The following ZFAND6 variants were observed in gnomAD, a reference collection of about 807,000 sequenced individuals.
The protein encoded by ZFAND6 is zinc finger AN1-type containing 6.
ZFAND6 carries 12 observed loss-of-function variants against 24.5 expected under a neutral mutation model. That is an observed-to-expected ratio of 0.49 (90% CI 0.31 to 0.79). The LOEUF is 0.79. Ranked by LOEUF, ZFAND6 falls within the 30% of genes least tolerant of loss-of-function variation. ZFAND6 has a pLI of 0.04. For synonymous variants in ZFAND6, 92 were observed against 81.5 expected (o/e 1.13, Z -0.69); for missense variants, 207 against 245.9 (o/e 0.84, Z 1.06).
At chr15:80,076,191 A>G (rs545193102) in intron 1 of ZFAND6, among the ~76,000 whole-genome samples, 1 of 152,244 alleles carries the variant, frequency 6.6e-6, no homozygotes, top group South Asian at 2.1e-4. Context: ...TAATGGTTCC[A>G]ACGTCTGAAT....
chr15:80,126,115 T>C (rs2040360147), intron 5 of ZFAND6, among the ~76,000 whole-genome samples: 1 of 152,160 alleles, frequency 6.6e-6, no homozygotes, highest in South Asian at 2.1e-4. Flanking sequence ...AGAGACCATA[T>C]AGAGAGAGGA....
intron 1 of ZFAND6, among the ~76,000 whole-genome samples, chr15:80,093,127 G>A (rs1461305754): frequency 2.0e-5 from 3 of 150,762 alleles, no homozygotes; most frequent in Non-Finnish European, 4.4e-5. Context: ...GCTAATTTTT[G>A]TGTGTGTGTG....
chr15:80,114,283 G>A (rs2039757743), intron 2 of ZFAND6, among the ~76,000 whole-genome samples: 1 of 152,126 alleles, frequency 6.6e-6, no homozygotes, highest in Non-Finnish European at 1.5e-5. Flanking sequence ...TAATAAAATG[G>A]CAAAGCTGGG....
intron 5 of ZFAND6, 37 bp downstream of exon 5, chr15:80,122,837 G>C: frequency 6.5e-7 from 1 of 1,540,802 alleles, no homozygotes; most frequent in Non-Finnish European, 9.0e-7. Context: ...TGTTATTTGA[G>C]TATTATAGGC....
At chr15:80,126,263 T>G (rs1398225567) in intron 5 of ZFAND6, among the ~76,000 whole-genome samples, 1 of 152,190 alleles carries the variant, frequency 6.6e-6, no homozygotes, top group African/African-American at 2.4e-5. Flanking sequence ...TGGACTGATT[T>G]AGGAAAGCTG....
intron 1 of ZFAND6, among the ~76,000 whole-genome samples, chr15:80,078,131 G>A (rs928338132): frequency 6.6e-6 from 1 of 152,130 alleles, no homozygotes; most frequent in Admixed American, 6.5e-5. Context: ...TGTCACTGTG[G>A]TTTGATGTAC....
rs2036990114 is a variant in ZFAND6, at chr15:80,071,743, A to G, written c.-181+11934A>G. On this transcript the variant is annotated intron_variant, in intron 1 of 6. Transcript: ENST00000261749. ...ATGGAGTGCAAAGTAGTTTCCACAC[A>G]TTAAAAAAAAAAAAAAGATGAAAAA... Among the ~76,000 whole-genome samples, 3 of 151,190 alleles carry G rather than the reference A, an allele frequency of 2.0e-5. No homozygotes were observed. The South Asian group carries it at 6.3e-4, about 32-fold the overall frequency.
chr15:80,080,657 G>A (rs949622712), intron 1 of ZFAND6, among the ~76,000 whole-genome samples: 1 of 152,144 alleles, frequency 6.6e-6, no homozygotes, highest in Admixed American at 6.5e-5. Flanking sequence ...ACAGAAATAC[G>A]TGAGACTGAG....
chr15:80,137,512 G>GGTGTACACCGTTACTCAGAT lies in ZFAND6; in HGVS notation c.514_533dup (p.His179TyrfsTer28). On this transcript the variant is annotated frameshift_variant, in exon 7 of 7. Coordinates refer to ENST00000261749, the MANE Select transcript of ZFAND6 (RefSeq NM_019006.4). LOFTEE classifies it high-confidence loss of function. ...ATGCCGGTGTGGAAATGTTTACTGT[G>GGTGTACACCGTTACTCAGAT]GTGTACACCGTTACTCAGATGTACA... The GGTGTACACCGTTACTCAGAT allele has an allele frequency of 6.2e-7, 1 of 1,605,736 alleles. No homozygotes were observed. Among genetic ancestry groups the GGTGTACACCGTTACTCAGAT allele is most frequent in the Non-Finnish European group, 8.5e-7 (1 of 1,177,730 alleles).
intron 2 of ZFAND6, among the ~76,000 whole-genome samples, chr15:80,108,131 C>T (rs2039431488): frequency 6.6e-6 from 1 of 152,110 alleles, no homozygotes; most frequent in African/African-American, 2.4e-5. Context: ...ACATAAAGTT[C>T]TATATAAGTA....
At chr15:80,059,944 G>GCGGC (rs1355021204) in intron 1 of ZFAND6, 135 bp downstream of exon 1, 1 of 151,002 alleles carries the variant, frequency 6.6e-6, no homozygotes, top group Non-Finnish European at 1.5e-5. Context: ...GAAGCGGAGG[G>GCGGC]CGGCCGGCCG....
chr15:80,122,579 A>C, intron 4 of ZFAND6, 121 bp from the exon 5 acceptor site: 2 of 619,974 alleles, frequency 3.2e-6, no homozygotes, highest in Non-Finnish European at 5.6e-6. Context: ...TATTAAAAAA[A>C]AGTATGTCTG....
chr15:80,108,497 A>G (rs886352321), intron 2 of ZFAND6, among the ~76,000 whole-genome samples: 7 of 152,186 alleles, frequency 4.6e-5, no homozygotes, highest in South Asian at 2.1e-4. Flanking sequence ...TCTTTTTGCA[A>G]ATAAGAATAT....
chr15:80,110,293 A>G (rs1323739694), intron 2 of ZFAND6, among the ~76,000 whole-genome samples: 2 of 152,204 alleles, frequency 1.3e-5, no homozygotes, highest in African/African-American at 4.8e-5. Context: ...GAACAAACAG[A>G]CAGAAAATGA....
rs751440783 is a variant in ZFAND6, at chr15:80,121,771, C to G, written c.214C>G (p.Pro72Ala). Reference sequence around the variant, plus strand: ...AGTTCAATGCACAGATGGCAGTGTGCCAGAAGCCCAGTCAGCATTAGACTC... The same window carrying G: ...AGTTCAATGCACAGATGGCAGTGTGGCAGAAGCCCAGTCAGCATTAGACTC... ...LPVQCTDGSV[P>A]EAQSALDSTS... is the part of the protein sequence containing the mutation. Residue 72 changes from proline to alanine, a missense_variant, in exon 4 of 7, where the codon CCA becomes GCA. Pro to Ala is a conservative substitution (Grantham distance 27, BLOSUM62 -1). Coordinates refer to ENST00000261749, the MANE Select transcript of ZFAND6 (RefSeq NM_019006.4). 2.5e-6 allele frequency: 4 copies of G among 1,613,724 alleles called. No homozygotes were observed. The South Asian group carries it at 3.3e-5, about 13-fold the overall frequency.
intron 1 of ZFAND6, among the ~76,000 whole-genome samples, chr15:80,084,783 A>G (rs1237218670): frequency 6.6e-6 from 1 of 152,202 alleles, no homozygotes; most frequent in Non-Finnish European, 1.5e-5. Context: ...GACTCTGAGG[A>G]TACAGAGATA....
intron 2 of ZFAND6, among the ~76,000 whole-genome samples, chr15:80,110,017 A>G (rs2039527487): frequency 6.6e-6 from 1 of 152,196 alleles, no homozygotes; most frequent in Admixed American, 6.5e-5. Flanking sequence ...GTTCACTCAT[A>G]TAGCTGTTGG....
At chr15:80,089,144 G>C (rs746904818) in intron 1 of ZFAND6, among the ~76,000 whole-genome samples, 1 of 150,190 alleles carries the variant, frequency 6.7e-6, no homozygotes, top group African/African-American at 2.5e-5. Flanking sequence ...AACTCCTTCT[G>C]TTCTTCACTG....
In ZFAND6 at chr15:80,121,779, C is replaced by G; in HGVS notation, c.222C>G (p.Ala74=). Residue 74 remains alanine, a synonymous_variant, in exon 4 of 7, where the codon GCC becomes GCG. Transcript: ENST00000261749. ...VQCTDGSVPE[A]QSALDSTSSS... is the part of the protein sequence containing the mutation. ...GCACAGATGGCAGTGTGCCAGAAGC[C>G]CAGTCAGCATTAGACTCTACATCTT... The G allele has an allele frequency of 6.2e-7, 1 of 1,613,744 alleles. No individual in the cohort carries two copies. The highest frequency in any genetic ancestry group is 8.5e-7 in the Non-Finnish European group (1 of 1,179,804).
Sources: allele counts gnomAD v4.1 joint callset (sites outside exome capture counted in the v4.1 genomes callset), GRCh38; gene constraint gnomAD v4.1.1; transcripts MANE v1.5; gene names NCBI Gene and HGNC (gene_info 2026-07-23, HGNC 2026-07-21).